The following PPM1A variants were observed in gnomAD, a reference collection of about 807,000 sequenced individuals.
The protein encoded by PPM1A is protein phosphatase, Mg2+/Mn2+ dependent 1A.
A neutral mutation model predicts 35.0 loss-of-function variants in PPM1A; 7 were observed. The ratio of observed to expected loss-of-function variants is 0.20; its 90% confidence interval spans 0.11 to 0.38. The LOEUF (loss-of-function observed/expected upper bound fraction) is 0.38, where lower values mean the gene tolerates loss of function less well. Ranked by LOEUF, PPM1A falls within the 10% of genes least tolerant of loss-of-function variation. The probability of loss-of-function intolerance (pLI) is 1.00; values close to 1 mark genes in which losing one functional copy is unlikely to be tolerated. For synonymous variants in PPM1A, 153 were observed against 167.3 expected (o/e 0.91, Z 0.66); for missense variants, 239 against 467.8 (o/e 0.51, Z 4.51).
Position 60,289,994 on chromosome 14 carries a change from G to A in PPM1A, c.1061+80G>A. 1 of 1,003,832 alleles carries A rather than the reference G, an allele frequency of 1.0e-6. No homozygotes were observed. The allele number at this position is 1,003,832 out of a possible 1,614,324, so 62.2% of individuals were successfully genotyped here. A position where few individuals can be genotyped will look rare whatever the true frequency, so the allele number is the denominator to read the frequency against. On this transcript the variant is annotated intron_variant, in intron 4 of 5. Transcript: ENST00000395076. The surrounding 1 kb of genome is among the most constrained non-coding windows in gnomAD (Gnocchi z 4.1). ...GTATTCATTGATAAAATGTTTGTTT[G>A]CCTAATTTCTGAACTGATGCAGTTA...
chr14:60,265,229 A>G (rs144055866), intron 1 of PPM1A, among the ~76,000 whole-genome samples: 58 of 152,322 alleles, frequency 3.8e-4, no homozygotes, highest in African/African-American at 1.2e-3. Flanking sequence ...CACTGGACAC[A>G]TAATTTCATC....
chr14:60,249,686 G>A lies in PPM1A; in HGVS notation c.-21+9G>A. On this transcript the variant is annotated intron_variant, in intron 1 of 5. Coordinates refer to ENST00000395076, the MANE Select transcript of PPM1A (RefSeq NM_021003.5). The surrounding 1 kb of genome is among the most constrained non-coding windows in gnomAD (Gnocchi z 4.5). ...GCCTGCGGCTGCTCCGGGTAAGTGC[G>A]GCGCTCGGGCCGACGGCGGGCTGGC... 1 of 984,038 alleles carries A rather than the reference G, an allele frequency of 1.0e-6. No homozygotes were observed. Among genetic ancestry groups the A allele is most frequent in the Non-Finnish European group, 1.2e-6 (1 of 829,456 alleles). The allele number at this position is 984,038 out of a possible 1,614,324, so 61.0% of individuals were successfully genotyped here. A position where few individuals can be genotyped will look rare whatever the true frequency, so the allele number is the denominator to read the frequency against.
intron 1 of PPM1A, among the ~76,000 whole-genome samples, chr14:60,281,712 CTT>C (rs1327715021): frequency 6.6e-6 from 1 of 152,186 alleles, no homozygotes; most frequent in African/African-American, 2.4e-5. Context: ...CCAGCTGTCT[CTT>C]TGCCTTGTGT....
At chr14:60,269,611 C>T (rs1026714575) in intron 1 of PPM1A, among the ~76,000 whole-genome samples, 4 of 152,032 alleles carry the variant, frequency 2.6e-5, no homozygotes, top group East Asian at 1.9e-4. Flanking sequence ...TGCAATGGTG[C>T]GATCTAGGCT....
At chr14:60,257,090 A>ATAATACAATTAGT (rs1392130167) in intron 1 of PPM1A, among the ~76,000 whole-genome samples, 3 of 152,246 alleles carry the variant, frequency 2.0e-5, no homozygotes, top group African/African-American at 7.2e-5. Flanking sequence ...AGATATGGCC[A>ATAATACAATTAGT]TAATACAATT....
intron 1 of PPM1A, among the ~76,000 whole-genome samples, chr14:60,279,279 C>T (rs571808301): frequency 1.3e-5 from 2 of 152,210 alleles, no homozygotes; most frequent in South Asian, 2.1e-4. Context: ...CCACCACACC[C>T]GGCTAATTTT....
chr14:60,282,270 C>G lies in PPM1A; in HGVS notation c.-20-414C>G, dbSNP rs1886485596. On this transcript the variant is annotated intron_variant, in intron 1 of 5. Transcript: ENST00000395076. This position sits in a 1 kb window ranked among gnomAD's most constrained non-coding sequence, Gnocchi z 5.1. The stretch of plus-strand genomic sequence containing the variant: ...GCTTGAAAATTCCTGAATGTTCAAC[C>G]AAGATATATTTGAGTTAGTAGATTT... 9.3e-6 allele frequency among the ~76,000 whole-genome samples: 1 copy of G among 107,058 alleles called. No individual in the cohort carries two copies. The allele number at this position is 107,058 out of a possible 152,430, so 70.2% of individuals were successfully genotyped here.
At chr14:60,269,556 A>AT (rs946982119) in intron 1 of PPM1A, among the ~76,000 whole-genome samples, 2 of 151,464 alleles carry the variant, frequency 1.3e-5, no homozygotes, top group East Asian at 1.9e-4. Flanking sequence ...TGTTTATTTT[A>AT]TTTTTTTTAT....
intron 1 of PPM1A, among the ~76,000 whole-genome samples, chr14:60,279,664 TC>T (rs1185482336): frequency 1.3e-5 from 2 of 152,190 alleles, no homozygotes; most frequent in African/African-American, 4.8e-5. Flanking sequence ...CTAGGGGAGT[TC>T]CTGTTTCTCC....
chr14:60,286,293 C>A (rs898592078), intron 3 of PPM1A: 6 of 985,574 alleles, frequency 6.1e-6, no homozygotes, highest in Non-Finnish European at 7.2e-6. Context: ...CAAGATAGAC[C>A]TCAATAAAAG....
chr14:60,285,032 A>G (rs1198612671), intron 2 of PPM1A, among the ~76,000 whole-genome samples: 3 of 152,160 alleles, frequency 2.0e-5, no homozygotes, highest in African/African-American at 7.2e-5. Context: ...TTAAAAATGA[A>G]TGTAGTTCCT....
At chr14:60,277,784 G>A (rs1284076660) in intron 1 of PPM1A, among the ~76,000 whole-genome samples, 1 of 152,172 alleles carries the variant, frequency 6.6e-6, no homozygotes, top group Non-Finnish European at 1.5e-5. Context: ...TGCCTTGCAA[G>A]GCATTGCCTC....
chr14:60,261,209 G>A (rs1476235236), intron 1 of PPM1A, among the ~76,000 whole-genome samples: 3 of 152,142 alleles, frequency 2.0e-5, no homozygotes, highest in African/African-American at 7.2e-5. Context: ...TGCTCAGGCT[G>A]AGGAGGGGCA....
chr14:60,295,366 ATAACT>A lies in PPM1A; in HGVS notation c.*2888_*2892del, dbSNP rs1049727902. ...GCATATACTTTAAAAAATCAAAGTGATAACTTAATTCAGCTTTGGAAGTATCTCAA... is the reference window on the plus strand; with the variant it reads ...GCATATACTTTAAAAAATCAAAGTGATAATTCAGCTTTGGAAGTATCTCAA... On this transcript the variant is annotated 3_prime_UTR_variant, in exon 6 of 6. Transcript: ENST00000395076. The A allele has an allele frequency of 1.2e-4, 18 of 151,854 alleles. No individual in the cohort carries two copies. Among genetic ancestry groups the A allele is most frequent in the East Asian group, 1.9e-4 (1 of 5,190 alleles). 9.4% of individuals were successfully genotyped at this position (151,854 alleles called of 1,614,324 possible). A position where few individuals can be genotyped will look rare whatever the true frequency, so the allele number is the denominator to read the frequency against.
chr14:60,262,700 C>CA (rs1566577297), intron 1 of PPM1A, among the ~76,000 whole-genome samples: 2 of 151,760 alleles, frequency 1.3e-5, no homozygotes, highest in Non-Finnish European at 2.9e-5. Context: ...AAACAAACAA[C>CA]AAAAAAACCC....
At chr14:60,260,534 A>G (rs1475308151) in intron 1 of PPM1A, among the ~76,000 whole-genome samples, 2 of 152,154 alleles carry the variant, frequency 1.3e-5, no homozygotes, top group African/African-American at 4.8e-5. Flanking sequence ...AAATTGCTTT[A>G]TAATTCACAT....
At position 60,253,853 on chromosome 14, in the gene PPM1A, C is replaced by A. The variant is rs184875916; in HGVS notation, c.-21+4176C>A. 3.4e-4 allele frequency among the ~76,000 whole-genome samples: 51 copies of A among 152,214 alleles called. No individual in the cohort carries two copies. The East Asian group carries it at 9.7e-3, about 29-fold the overall frequency. ...TCAGTAGAGCCACATTGAAGGGCCC[C>A]GTGGTGGACATGGTGATAAAACTAA... On this transcript the variant is annotated intron_variant, in intron 1 of 5. Transcript: ENST00000395076.
chr14:60,274,305 G>A (rs1049112751), intron 1 of PPM1A, among the ~76,000 whole-genome samples: 13 of 152,240 alleles, frequency 8.5e-5, no homozygotes, highest in African/African-American at 2.6e-4. Flanking sequence ...GTGACTTGGA[G>A]GAACTTGATT....
In PPM1A at chr14:60,294,334, A is replaced by G. The variant is rs1176860678; in HGVS notation, c.*1852A>G. The G allele has an allele frequency of 1.3e-5, 2 of 151,870 alleles. No homozygotes were observed. The highest frequency in any genetic ancestry group is 2.9e-5 in the Non-Finnish European group (2 of 67,822). The allele number at this position is 151,870 out of a possible 1,614,324, so 9.4% of individuals were successfully genotyped here. On this transcript the variant is annotated 3_prime_UTR_variant, in exon 6 of 6. Transcript: ENST00000395076. ...AGCATGAATGAGGAAAAACTGAAGT[A>G]CTATTTATATTTAGAAATTCATATC...
Sources: gnomAD v4.1 joint callset for allele counts (sites outside exome capture counted in the v4.1 genomes callset) on GRCh38, gnomAD v4.1.1 for gene constraint, Gnocchi (gnomAD v3.1) non-coding constraint, MANE v1.5 for transcripts, NCBI Gene and HGNC (gene_info 2026-07-23, HGNC 2026-07-21) for gene names.